The following PCDHAC1 variants were observed in gnomAD, a reference collection of about 807,000 sequenced individuals.
PCDHAC1 encodes the protein protocadherin alpha subfamily C, 1, also known as protocadherin alpha-C1.
Under a neutral mutation model 60.0 loss-of-function variants are expected in PCDHAC1, and 42 were observed. The observed-to-expected ratio is 0.70, with a 90% CI of 0.55 to 0.90. The LOEUF is 0.90. Ranked by LOEUF, PCDHAC1 falls within the 40% of genes least tolerant of loss-of-function variation. PCDHAC1 has a pLI of 0.00. For synonymous variants in PCDHAC1, 468 were observed against 499.3 expected (o/e 0.94, Z 0.84); for missense variants, 1,160 against 1,222.3 (o/e 0.95, Z 0.76).
At chr5:140,950,452 C>A (rs1030639288) in intron 1 of PCDHAC1, among the ~76,000 whole-genome samples, 12 of 151,888 alleles carry the variant, frequency 7.9e-5, no homozygotes, top group African/African-American at 2.7e-4. Context: ...ATTCTACTGT[C>A]TTCTAATGCT....
At chr5:140,938,322 A>G (rs1467948489) in intron 1 of PCDHAC1, among the ~76,000 whole-genome samples, 1 of 152,240 alleles carries the variant, frequency 6.6e-6, no homozygotes, top group Admixed American at 6.5e-5. Context: ...ATTGAATAGA[A>G]GTAATGTTAA....
intron 1 of PCDHAC1, among the ~76,000 whole-genome samples, chr5:140,950,648 T>C (rs2153690319): frequency 6.6e-6 from 1 of 152,222 alleles, no homozygotes; most frequent in East Asian, 1.9e-4. Flanking sequence ...CTGTTTATGG[T>C]TGGCTGAGTT....
chr5:140,964,812 T>C (rs2095855698), intron 1 of PCDHAC1, among the ~76,000 whole-genome samples: 1 of 151,914 alleles, frequency 6.6e-6, no homozygotes, highest in Non-Finnish European at 1.5e-5. Flanking sequence ...GAGACAGGAA[T>C]AGATTTTGAT....
chr5:140,947,315 C>T (rs116397497), intron 1 of PCDHAC1, among the ~76,000 whole-genome samples: 3,556 of 151,556 alleles, frequency 0.023, 49 homozygotes, highest in Middle Eastern at 0.034. Flanking sequence ...TGTAAAAAGT[C>T]GGTTGACCAT....
chr5:140,997,132 C>A (rs1189394609), intron 3 of PCDHAC1, among the ~76,000 whole-genome samples: 1 of 152,076 alleles, frequency 6.6e-6, no homozygotes, highest in Non-Finnish European at 1.5e-5. Flanking sequence ...CACAATGCCC[C>A]CACACCCCCG....
chr5:140,929,293 A>G lies in PCDHAC1; in HGVS notation c.2401A>G (p.Arg801Gly). The G allele has an allele frequency of 6.3e-7, 1 of 1,594,458 alleles. No homozygotes were observed. Among genetic ancestry groups the G allele is most frequent in the Non-Finnish European group, 8.6e-7 (1 of 1,166,930 alleles). Reference protein sequence around the residue: ...LPISCIQIRNRKGDHANVNAM... With the variant: ...LPISCIQIRNGKGDHANVNAM... ...AATATCCTGTATTCAGATTCGGAAT[A>G]GGAAAGGGGATCACGCTAATGTCAA... The change falls in exon 1 of 4, where the codon AGG becomes GGG. Residue 801 changes from arginine to glycine, a missense_variant. Transcript: ENST00000253807.
Position 140,929,169 on chromosome 5 carries a change from T to C in PCDHAC1, c.2277T>C (p.Ser759=). The C allele has an allele frequency of 6.2e-7, 1 of 1,614,188 alleles. No homozygotes were observed. Among genetic ancestry groups the C allele is most frequent in the Non-Finnish European group, 8.5e-7 (1 of 1,180,022 alleles). Reference sequence around the variant, plus strand: ...CTCAGACTTATCTCTATCGGGCCTCTCTGGGACTTGGTTCTGATAATAACA... The same window carrying C: ...CTCAGACTTATCTCTATCGGGCCTCCCTGGGACTTGGTTCTGATAATAACA... ...RLSQTYLYRA[S]LGLGSDNNSL... The change falls in exon 1 of 4, where the codon TCT becomes TCC. Residue 759 remains serine (S), a synonymous_variant. Transcript: ENST00000253807.
At chr5:140,940,564 T>G (rs1481591678) in intron 1 of PCDHAC1, among the ~76,000 whole-genome samples, 2 of 152,228 alleles carry the variant, frequency 1.3e-5, no homozygotes, top group African/African-American at 4.8e-5. Flanking sequence ...TTCTCCTACC[T>G]TGGCTCCCAA....
At chr5:140,984,405 C>T (rs782109046) in intron 3 of PCDHAC1, among the ~76,000 whole-genome samples, 1 of 152,114 alleles carries the variant, frequency 6.6e-6, no homozygotes, top group Non-Finnish European at 1.5e-5. Context: ...GAGAACCTAT[C>T]TTTTTTACAG....
chr5:140,967,659 G>A, intron 1 of PCDHAC1: 1 of 1,614,218 alleles, frequency 6.2e-7, no homozygotes, highest in Non-Finnish European at 8.5e-7. Flanking sequence ...TCCTTGAGCA[G>A]CTACACGTCG....
intron 1 of PCDHAC1, among the ~76,000 whole-genome samples, chr5:140,962,088 T>C (rs893852980): frequency 6.6e-6 from 1 of 152,092 alleles, no homozygotes; most frequent in Non-Finnish European, 1.5e-5. Flanking sequence ...GGTTTCACCA[T>C]GTTAGCCAGG....
chr5:140,983,901 AT>A (rs782712573), intron 3 of PCDHAC1, among the ~76,000 whole-genome samples: 20 of 152,338 alleles, frequency 1.3e-4, no homozygotes, highest in Non-Finnish European at 2.6e-4. Context: ...GCATTCGTTG[AT>A]TCTAATCAGC....
chr5:140,929,256 A>T lies in PCDHAC1; in HGVS notation c.2364A>T (p.Gly788=), dbSNP rs572411725. Residue 788 remains glycine (G), a synonymous_variant, in exon 1 of 4, where the codon GGA becomes GGT. Coordinates refer to ENST00000253807, the MANE Select transcript of PCDHAC1 (RefSeq NM_018898.5). ...ADLRNLATGV[G]LNLPISCIQI... ...TGCGAAATCTTGCCACTGGGGTAGG[A>T]CTGAATTTGCCAATATCCTGTATTC... 3 of 1,613,220 alleles carry T rather than the reference A, an allele frequency of 1.9e-6. No individual in the cohort carries two copies. Among genetic ancestry groups the T allele is most frequent in the Non-Finnish European group, 2.5e-6 (3 of 1,179,384 alleles).
chr5:140,967,030 C>T, intron 1 of PCDHAC1: 1 of 1,609,320 alleles, frequency 6.2e-7, no homozygotes, highest in Non-Finnish European at 8.5e-7. Flanking sequence ...CCAGTCCGCG[C>T]TACCTGGAGC....
In PCDHAC1 at chr5:140,935,762, C is replaced by T. The variant is rs187194530; in HGVS notation, c.2433+6437C>T. Among the ~76,000 whole-genome samples the T allele has an allele frequency of 2.5e-3, 386 of 152,162 alleles. 3 individuals are homozygous for T. The highest frequency in any genetic ancestry group is 0.018 in the South Asian group (87 of 4,822). On this transcript the variant is annotated intron_variant, in intron 1 of 3. Transcript: ENST00000253807. ...TTATTCCATACAATACACATTCTTC[C>T]CCACTTTGAGTTTTTTCACTTAAAA... is the stretch of plus-strand genomic sequence containing the variant.
At chr5:140,960,762 A>G (rs1164322988) in intron 1 of PCDHAC1, among the ~76,000 whole-genome samples, 5 of 152,214 alleles carry the variant, frequency 3.3e-5, no homozygotes, top group Non-Finnish European at 7.3e-5. Flanking sequence ...CCCAAGAGTT[A>G]CAGAGGAGAA....
chr5:140,979,125 C>T (rs782380399), intron 2 of PCDHAC1, 118 bp downstream of exon 2: 4 of 1,479,726 alleles, frequency 2.7e-6, no homozygotes, highest in African/African-American at 2.8e-5. Context: ...GGTACTTTGC[C>T]AGGAAAATGC....
chr5:140,942,680 A>C (rs2093354394), intron 1 of PCDHAC1, among the ~76,000 whole-genome samples: 1 of 152,218 alleles, frequency 6.6e-6, no homozygotes, highest in African/African-American at 2.4e-5. Context: ...AAGTTTTAGG[A>C]ATAACTTTAA....
intron 1 of PCDHAC1, among the ~76,000 whole-genome samples, chr5:140,951,214 T>C (rs994639576): frequency 1.3e-5 from 2 of 152,218 alleles, no homozygotes; most frequent in African/African-American, 2.4e-5. Context: ...ATCTCAGGTT[T>C]GGATTCTTGA....
Sources: allele counts gnomAD v4.1 joint callset (sites outside exome capture counted in the v4.1 genomes callset), GRCh38; gene constraint gnomAD v4.1.1; transcripts MANE v1.5; gene names NCBI Gene and HGNC (gene_info 2026-07-23, HGNC 2026-07-21).